The following GGT5 variants were observed in gnomAD, a reference collection of about 807,000 sequenced individuals.
GGT5 encodes gamma-glutamyltransferase 5.
A neutral mutation model predicts 58.1 loss-of-function variants in GGT5; 50 were observed. That is an observed-to-expected ratio of 0.86 (90% confidence interval 0.69 to 1.09). The LOEUF (loss-of-function observed/expected upper bound fraction) is 1.09, where lower values mean the gene tolerates loss of function less well. Among genes scored for constraint, GGT5 ranks in the 50% least tolerant of loss-of-function variants. The pLI is 0.00. For missense variants in GGT5, 800 were observed against 789.4 expected, an observed-to-expected ratio of 1.01 and a Z score of -0.16; for synonymous variants, 370 against 346.1, an observed-to-expected ratio of 1.07 and a Z score of -0.77.
chr22:24,240,694 T>C (rs926258551), intron 1 of GGT5, among the ~76,000 whole-genome samples: 21 of 152,136 alleles, frequency 1.4e-4, no homozygotes, highest in African/African-American at 5.1e-4. Flanking sequence ...TGTCTCACCA[T>C]GTTGCCCAGG....
In GGT5 at chr22:24,233,976, C is replaced by T. The variant is rs749872439; in HGVS notation, c.202G>A (p.Val68Met). The change falls in exon 2 of 12, where the codon GTG becomes ATG. Residue 68 changes from valine to methionine, a missense_variant. Coordinates refer to ENST00000327365, the MANE Select transcript of GGT5 (RefSeq NM_004121.5). ...RAILQQQGSP[V>M]DATIAALVCT... Reference sequence around the variant, plus strand: ...ACCAGAGCCGCGATGGTGGCATCCACGGGTGAGCCCTGCTGCTGGAGGATG... The same window carrying T: ...ACCAGAGCCGCGATGGTGGCATCCATGGGTGAGCCCTGCTGCTGGAGGATG... 19 of 1,612,778 alleles carry T rather than the reference C, an allele frequency of 1.2e-5. No homozygotes were observed. Among genetic ancestry groups the T allele is most frequent in the African/African-American group, 5.3e-5 (4 of 74,868 alleles).
chr22:24,238,033 G>C (rs2148934481), intron 1 of GGT5, among the ~76,000 whole-genome samples: 1 of 152,028 alleles, frequency 6.6e-6, no homozygotes, highest in South Asian at 2.1e-4. Context: ...TTCGAGACCA[G>C]CCTGGCCAAC....
chr22:24,234,189 A>G (rs1002450687), intron 1 of GGT5, among the ~76,000 whole-genome samples, 185 bp from the exon 2 acceptor site: 1 of 152,212 alleles, frequency 6.6e-6, no homozygotes, highest in Non-Finnish European at 1.5e-5. Context: ...CAGGTCCACA[A>G]CACACTACGG....
Position 24,219,938 on chromosome 22 carries a change from G to A in GGT5, c.*32C>T. 6.2e-7 allele frequency: 1 copy of A among 1,609,846 alleles called. No homozygotes were observed. Among genetic ancestry groups the A allele is most frequent in the Non-Finnish European group, 8.5e-7 (1 of 1,176,772 alleles). On this transcript the variant is annotated 3_prime_UTR_variant, in exon 12 of 12. Coordinates refer to ENST00000327365, the MANE Select transcript of GGT5 (RefSeq NM_004121.5). ...GGCCTGGACACAGGACTCATGGTGG[G>A]GCCAGACTTCAGCTCTGGGCAGAGC...
At position 24,222,531 on chromosome 22, in the gene GGT5, C is replaced by T. The variant is rs564612345; in HGVS notation, c.1615-2415G>A. Among the ~76,000 whole-genome samples, 38 of 152,274 alleles carry T rather than the reference C, an allele frequency of 2.5e-4. No homozygotes were observed. In the South Asian group the frequency reaches 6.6e-3, roughly 27 times the overall value. ...ACTCTCCTCGCCCTAGTCCCTGGGC[C>T]TTAGCTGTGAAGGTCCTTGGAGGCT... On this transcript the variant is annotated intron_variant, in intron 11 of 11. Transcript: ENST00000327365.
At chr22:24,224,894 C>T in intron 11 of GGT5, 102 bp downstream of exon 11, 2 of 753,440 alleles carry the variant, frequency 2.7e-6, no homozygotes, top group East Asian at 5.4e-5. Context: ...GTGTACCTGG[C>T]CTAAGAATCT....
At chr22:24,232,715 G>T in intron 4 of GGT5, 108 bp downstream of exon 4, 2 of 709,410 alleles carry the variant, frequency 2.8e-6, no homozygotes, top group South Asian at 3.1e-5. Context: ...CACCCCGAGG[G>T]TCAATCCTCC....
rs958838995 is a variant in GGT5 at position 24,220,067 on chromosome 22, G to A, written c.1664C>T (p.Pro555Leu). The A allele has an allele frequency of 1.2e-6, 2 of 1,614,048 alleles. No individual in the cohort carries two copies. Among genetic ancestry groups the A allele is most frequent in the East Asian group, 4.5e-5 (2 of 44,900 alleles). Residue 555 changes from proline to leucine, a missense_variant, in exon 12 of 12, where the codon CCC (proline) becomes CTC (leucine). By Grantham distance (98) the Pro-to-Leu change is moderately conservative. Transcript: ENST00000327365. ...AGCCTGGACCACGTTCAGGAAGAAGGGCCTCTGGGTCTGGTTCTGGCCACG... is the reference window on the plus strand; with the variant it reads ...AGCCTGGACCACGTTCAGGAAGAAGAGCCTCTGGGTCTGGTTCTGGCCACG... Reference protein sequence around the residue: ...QDRGQNQTQRPFFLNVVQAVS... With the variant: ...QDRGQNQTQRLFFLNVVQAVS...
In GGT5 at chr22:24,232,225, G is replaced by T; in HGVS notation, c.597-17C>A. On this transcript the variant is annotated splice_polypyrimidine_tract_variant and intron_variant, in intron 4 of 11. Transcript: ENST00000327365. The stretch of plus-strand genomic sequence containing the variant: ...AAGAGCTGGCTGGGGGGTGGGGGGA[G>T]CCTCAGGGTGGGGCCAGGTCCCAGA... The T allele has an allele frequency of 1.6e-6, 2 of 1,212,146 alleles. No homozygotes were observed. Among genetic ancestry groups the T allele is most frequent in the Non-Finnish European group, 1.1e-6 (1 of 870,954 alleles). The allele number at this position is 1,212,146 out of a possible 1,614,324, so 75.1% of individuals were successfully genotyped here.
chr22:24,242,727 T>C (rs117994622), intron 1 of GGT5: 3,074 of 152,388 alleles, frequency 0.02, 53 homozygotes, highest in Non-Finnish European at 0.031. Flanking sequence ...CCTGTGGCAG[T>C]GTGGCCAGGG....
chr22:24,244,305 ACACACACACACC>A (rs2148961467), intron 1 of GGT5: 1 of 479,100 alleles, frequency 2.1e-6, no homozygotes, highest in Non-Finnish European at 3.7e-6. Context: ...GCACACACAC[ACACACACACACC>A]CACCCACACA....
chr22:24,221,203 C>T (rs2047579939), intron 11 of GGT5, among the ~76,000 whole-genome samples: 1 of 152,020 alleles, frequency 6.6e-6, no homozygotes, highest in Non-Finnish European at 1.5e-5. Flanking sequence ...AAGACGGTAA[C>T]AGCCCTTTCC....
chr22:24,233,758 A>AG (rs1212367267), intron 2 of GGT5, 116 bp downstream of exon 2: 3 of 1,058,672 alleles, frequency 2.8e-6, no homozygotes, highest in Admixed American at 3.8e-5. Flanking sequence ...GGGGCAGGGC[A>AG]GGGGGCCCAA....
intron 3 of GGT5, 29 bp downstream of exon 3, chr22:24,233,469 G>C (rs927050059): frequency 2.2e-5 from 29 of 1,309,934 alleles, no homozygotes; most frequent in Non-Finnish European, 3.0e-5. Flanking sequence ...CCTGGGGGGT[G>C]GGAGTGGGGG....
chr22:24,244,535 C>T lies in GGT5; in HGVS notation c.173+18G>A. On this transcript the variant is annotated intron_variant, in intron 1 of 11. Transcript: ENST00000327365. ...TGGCTGCCAAGGGCCACCCAGCTTCCTCCCACGTCTCACTCACCGTCCAAT... is the reference window on the plus strand; with the variant it reads ...TGGCTGCCAAGGGCCACCCAGCTTCTTCCCACGTCTCACTCACCGTCCAAT... 6.2e-7 allele frequency: 1 copy of T among 1,605,500 alleles called. No individual in the cohort carries two copies.
intron 8 of GGT5, 38 bp downstream of exon 8, chr22:24,226,038 G>A (rs1306545952): frequency 4.2e-6 from 6 of 1,427,076 alleles, no homozygotes; most frequent in Admixed American, 4.2e-5. Context: ...TAGGAGAGGA[G>A]GAGTGAAGCC....
chr22:24,220,121 A>G lies in GGT5; in HGVS notation c.1615-5T>C. 2.5e-6 allele frequency: 4 copies of G among 1,613,838 alleles called. No individual in the cohort carries two copies. Among genetic ancestry groups the G allele is most frequent in the Non-Finnish European group, 3.4e-6 (4 of 1,179,880 alleles). On this transcript the variant is annotated splice_polypyrimidine_tract_variant and splice_region_variant and intron_variant, in intron 11 of 11. Coordinates refer to ENST00000327365, the MANE Select transcript of GGT5 (RefSeq NM_004121.5). The stretch of plus-strand genomic sequence containing the variant: ...TTGGAGTCCCCTCTGCACCTCCTGG[A>G]GAGGAGAGAAAGCAGGTTCACAGGG...
chr22:24,244,307 ACACACACACC>A (rs942914636), intron 1 of GGT5: 5 of 485,084 alleles, frequency 1.0e-5, no homozygotes, highest in Non-Finnish European at 1.8e-5. Context: ...ACACACACAC[ACACACACACC>A]CACCCACACA....
At chr22:24,238,860 TA>T (rs2048216428) in intron 1 of GGT5, among the ~76,000 whole-genome samples, 2 of 14,068 alleles carry the variant, frequency 1.4e-4, no homozygotes, top group African/African-American at 4.0e-4. Context: ...ATATATTATA[TA>T]TATAATATAT....
Sources: allele counts gnomAD v4.1 joint callset (sites outside exome capture counted in the v4.1 genomes callset), GRCh38; gene constraint gnomAD v4.1.1; transcripts MANE v1.5; gene names NCBI Gene and HGNC (gene_info 2026-07-23, HGNC 2026-07-21).